The following MAP7 variants were observed in gnomAD, a reference collection of about 807,000 sequenced individuals.
The protein encoded by MAP7 is microtubule associated protein 7, also known as ensconsin.
Under a neutral mutation model 94.8 loss-of-function variants are expected in MAP7, and 52 were observed. That is an observed-to-expected ratio of 0.55 (90% CI 0.44 to 0.69). The LOEUF (loss-of-function observed/expected upper bound fraction) is 0.69, where lower values mean the gene tolerates loss of function less well. MAP7 is among the 30% of genes least tolerant of loss of function. The probability of loss-of-function intolerance (pLI) is 0.00; values close to 1 mark genes in which losing one functional copy is unlikely to be tolerated. For synonymous variants in MAP7, 350 were observed against 357.0 expected, an observed-to-expected ratio of 0.98 and a Z score of 0.22; for missense variants, 940 against 964.6, an observed-to-expected ratio of 0.97 and a Z score of 0.34.
At chr6:136,508,659 A>G (rs1382772598) in intron 1 of MAP7, among the ~76,000 whole-genome samples, 7 of 152,216 alleles carry the variant, frequency 4.6e-5, no homozygotes, top group African/African-American at 1.4e-4. Context: ...AGAAAAGATA[A>G]TGCTAAATGC....
intron 13 of MAP7, 145 bp downstream of exon 13, chr6:136,360,552 T>G (rs1582664844): frequency 1.4e-6 from 1 of 701,738 alleles, no homozygotes; most frequent in East Asian, 2.5e-5. Flanking sequence ...CGAGAGAGAT[T>G]TCTTTGCAGG....
chr6:136,397,377 G>A (rs1292077048), intron 3 of MAP7, among the ~76,000 whole-genome samples: 1 of 152,040 alleles, frequency 6.6e-6, no homozygotes, highest in Non-Finnish European at 1.5e-5. Flanking sequence ...AAGAATTTCA[G>A]AATAGGTTAA....
intron 1 of MAP7, among the ~76,000 whole-genome samples, chr6:136,470,747 C>CGT (rs1214211747): frequency 2.0e-5 from 3 of 151,468 alleles, no homozygotes; most frequent in South Asian, 2.1e-4. Flanking sequence ...TGTGCGTTTT[C>CGT]GTGTGTGTGT....
At chr6:136,401,090 T>C (rs1179430898) in intron 3 of MAP7, among the ~76,000 whole-genome samples, 1 of 152,196 alleles carries the variant, frequency 6.6e-6, no homozygotes, top group Non-Finnish European at 1.5e-5. Context: ...GGCTCACACC[T>C]GTAATCCTAA....
At chr6:136,498,339 A>C (rs887981805) in intron 1 of MAP7, among the ~76,000 whole-genome samples, 1 of 152,094 alleles carries the variant, frequency 6.6e-6, no homozygotes, top group Admixed American at 6.5e-5. Flanking sequence ...GGGCCCGTAC[A>C]TAGAGTAGCA....
In MAP7 at chr6:136,456,870, A is replaced by AGAAGAG. The variant is rs1554259587; in HGVS notation, c.68-35072_68-35071insCTCTTC. 7.7e-4 allele frequency among the ~76,000 whole-genome samples: 109 copies of AGAAGAG among 140,702 alleles called. 2 individuals are homozygous for AGAAGAG. Among genetic ancestry groups the AGAAGAG allele is most frequent in the South Asian group, 3.1e-3 (10 of 3,262 alleles). The allele number at this position is 140,702 out of a possible 152,430, so 92.3% of individuals were successfully genotyped here. A position where few individuals can be genotyped will look rare whatever the true frequency, so the allele number is the denominator to read the frequency against. ...AAGAGGAAGAAGAAGAAGAAGAAGA[A>AGAAGAG]GAAATACTTCAAATAAAAACAAAAC... On this transcript the variant is annotated intron_variant, in intron 1 of 17. Coordinates refer to ENST00000354570, the MANE Select transcript of MAP7 (RefSeq NM_003980.6).
At chr6:136,427,557 C>T (rs1398318084) in intron 1 of MAP7, among the ~76,000 whole-genome samples, 1 of 152,190 alleles carries the variant, frequency 6.6e-6, no homozygotes, top group Non-Finnish European at 1.5e-5. Context: ...CACATTCAAT[C>T]TGACTGACAT....
At chr6:136,483,016 C>T (rs758871179) in intron 1 of MAP7, among the ~76,000 whole-genome samples, 9 of 149,948 alleles carry the variant, frequency 6.0e-5, no homozygotes, top group Non-Finnish European at 1.0e-4. Flanking sequence ...AATTCTTTGT[C>T]TGCTTGTCTT....
At chr6:136,393,560 C>T (rs983769428) in intron 3 of MAP7, among the ~76,000 whole-genome samples, 6 of 152,140 alleles carry the variant, frequency 3.9e-5, no homozygotes, top group Non-Finnish European at 8.8e-5. Context: ...CACAGAAGTG[C>T]CATCTCTTCC....
chr6:136,543,612 C>T (rs548611483), intron 1 of MAP7, among the ~76,000 whole-genome samples: 1 of 151,996 alleles, frequency 6.6e-6, no homozygotes, highest in Non-Finnish European at 1.5e-5. Context: ...GAGATTGTGC[C>T]ATTGCACTCC....
At chr6:136,411,810 GCACTT>G in intron 2 of MAP7, 113 bp from the exon 3 acceptor site, 1 of 809,102 alleles carries the variant, frequency 1.2e-6, no homozygotes, top group Non-Finnish European at 1.9e-6. Flanking sequence ...ATATATTGCT[GCACTT>G]TACAACAATA....
chr6:136,404,048 T>C (rs1366336135), intron 3 of MAP7, among the ~76,000 whole-genome samples: 1 of 152,182 alleles, frequency 6.6e-6, no homozygotes, highest in Non-Finnish European at 1.5e-5. Context: ...AAGCCTCCTC[T>C]GACCCCTTTT....
intron 3 of MAP7, among the ~76,000 whole-genome samples, chr6:136,409,490 A>G (rs2128734214): frequency 6.6e-6 from 1 of 152,384 alleles, no homozygotes; most frequent in Non-Finnish European, 1.5e-5. Context: ...ATCTAGATAT[A>G]ATATATGTAA....
intron 1 of MAP7, among the ~76,000 whole-genome samples, chr6:136,452,723 T>C (rs573620804): frequency 2.6e-5 from 4 of 152,238 alleles, no homozygotes; most frequent in Admixed American, 6.5e-5. Flanking sequence ...CAGCTAATTT[T>C]TGTATTTTTA....
intron 3 of MAP7, among the ~76,000 whole-genome samples, chr6:136,396,712 T>C (rs1782597763): frequency 6.6e-6 from 1 of 152,188 alleles, no homozygotes; most frequent in African/African-American, 2.4e-5. Context: ...GTAAATTGCT[T>C]AACCTCCCTA....
intron 1 of MAP7, chr6:136,525,753 G>A (rs1184918067): frequency 1.0e-5 from 15 of 1,442,148 alleles, no homozygotes; most frequent in Admixed American, 9.4e-5. Flanking sequence ...GAGCAGCACA[G>A]TTTATAAAAC....
Position 136,388,460 on chromosome 6 carries a change from T to A in MAP7, c.459A>T (p.Pro153=). The A allele has an allele frequency of 6.2e-7, 1 of 1,614,198 alleles. No individual in the cohort carries two copies. The highest frequency in any genetic ancestry group is 8.5e-7 in the Non-Finnish European group (1 of 1,180,016). The change falls in exon 5 of 18, where the codon CCA becomes CCT. Residue 153 remains proline (P), a synonymous_variant. Transcript: ENST00000354570. ...VRRTMERSQK[P]KQKHNRWSWG... ...ACGACCAACGGTTATGCTTCTGTTT[T>A]GGCTTCTGGCTCCTTTCCATTGTGC...
Position 136,466,631 on chromosome 6 carries a change from T to C in MAP7, c.68-44832A>G, listed in dbSNP as rs1051471976. On this transcript the variant is annotated intron_variant, in intron 1 of 17. Transcript: ENST00000354570. ...AAAACAATGATTAAAAAAAAAAAGA[T>C]TAGAAGATTTCCTACTCTGTACTTC... 6.6e-6 allele frequency: 5 copies of C among 761,768 alleles called. No homozygotes were observed. The African/African-American group carries it at 8.8e-5, about 13-fold the overall frequency. The allele number at this position is 761,768 out of a possible 1,614,324, so 47.2% of individuals were successfully genotyped here.
intron 3 of MAP7, 73 bp from the exon 4 acceptor site, chr6:136,389,590 G>A: frequency 7.0e-7 from 1 of 1,430,706 alleles, no homozygotes; most frequent in South Asian, 1.2e-5. Flanking sequence ...GAATAGTTAG[G>A]GCTGTATTAA....
Sources: allele counts gnomAD v4.1 joint callset (sites outside exome capture counted in the v4.1 genomes callset), GRCh38; gene constraint gnomAD v4.1.1; transcripts MANE v1.5; gene names NCBI Gene and HGNC (gene_info 2026-07-23, HGNC 2026-07-21).